EPHA6: variants seen among roughly 807,000 people sequenced by gnomAD.
The protein encoded by EPHA6 is ephrin type-A receptor 6.
Under a neutral mutation model 112.0 loss-of-function variants are expected in EPHA6, and 50 were observed. The observed-to-expected ratio is 0.45, with a 90% CI of 0.36 to 0.56. The LOEUF is 0.56. EPHA6 is among the 20% of genes least tolerant of loss of function. The probability of loss-of-function intolerance (pLI) is 0.00; values close to 1 mark genes in which losing one functional copy is unlikely to be tolerated. For missense variants in EPHA6, 1,280 were observed against 1,417.4 expected (o/e 0.90, Z 1.56); for synonymous variants, 529 against 490.7 (o/e 1.08, Z -1.03).
At chr3:97,392,426 C>CTG (rs375839090) in intron 5 of EPHA6, among the ~76,000 whole-genome samples, 99 of 149,774 alleles carry the variant, frequency 6.6e-4, no homozygotes, top group Admixed American at 1.9e-3. Flanking sequence ...GGGGGTGTGT[C>CTG]TGTGTGTGTG....
At chr3:97,269,902 C>A (rs560167945) in intron 5 of EPHA6, among the ~76,000 whole-genome samples, 17 of 152,238 alleles carry the variant, frequency 1.1e-4, no homozygotes, top group African/African-American at 3.9e-4. Context: ...ATAGAAGAAA[C>A]TAAACTGTGG....
chr3:97,061,887 G>T (rs1426920825), intron 3 of EPHA6, among the ~76,000 whole-genome samples: 1 of 152,108 alleles, frequency 6.6e-6, no homozygotes, highest in Admixed American at 6.6e-5. Flanking sequence ...ACCTTCAAGA[G>T]GCTCCCAATT....
chr3:97,127,460 C>T (rs1160542371), intron 3 of EPHA6, among the ~76,000 whole-genome samples: 2 of 152,152 alleles, frequency 1.3e-5, no homozygotes, highest in Non-Finnish European at 2.9e-5. Context: ...TGGCTCACAC[C>T]TGTAATCTCA....
At chr3:97,248,041 C>T (rs2079033199) in intron 5 of EPHA6, among the ~76,000 whole-genome samples, 1 of 151,830 alleles carries the variant, frequency 6.6e-6, no homozygotes, top group South Asian at 2.1e-4. Context: ...AAGAAAACCA[C>T]ATTAAACAAA....
intron 3 of EPHA6, among the ~76,000 whole-genome samples, chr3:97,046,645 A>G (rs2045517445): frequency 1.3e-5 from 2 of 152,202 alleles, no homozygotes; most frequent in African/African-American, 4.8e-5. Context: ...TATCCAAATC[A>G]ATAATAGAAT....
At chr3:97,186,351 G>A (rs1186468389) in intron 3 of EPHA6, among the ~76,000 whole-genome samples, 2 of 152,060 alleles carry the variant, frequency 1.3e-5, no homozygotes, top group South Asian at 2.1e-4. Context: ...ATTCTCAGAA[G>A]TACAGCTCAT....
rs1363786371 is a variant in EPHA6 at position 96,994,709 on chromosome 3, G to GTGTATATATATATA, written c.1114+6717_1114+6718insGTATATATATATAT. On this transcript the variant is annotated intron_variant, in intron 3 of 17. Transcript: ENST00000389672. ...TGTGTGTGTATGTGTGTGTGTGTGTGTATATATATATATATATATATATAG... is the reference window on the plus strand; with the variant it reads ...TGTGTGTGTATGTGTGTGTGTGTGTGTGTATATATATATATATATATATATATATATATATATAG... Among the ~76,000 whole-genome samples the GTGTATATATATATA allele has an allele frequency of 4.9e-4, 48 of 98,418 alleles. 1 individual carries two copies. The highest frequency in any genetic ancestry group is 2.3e-3 in the African/African-American group (43 of 18,602). 64.6% of individuals were successfully genotyped at this position (98,418 alleles called of 152,430 possible).
intron 11 of EPHA6, chr3:97,559,500 A>G (rs1577777179): frequency 2.6e-6 from 1 of 379,462 alleles, no homozygotes; most frequent in East Asian, 8.1e-5. Context: ...GAATGGAACT[A>G]AGAAGGCACA....
In EPHA6 at chr3:97,056,622, C is replaced by T. The variant is rs539912683; in HGVS notation, c.1114+68629C>T. Among the ~76,000 whole-genome samples, 6 of 152,168 alleles carry T rather than the reference C, an allele frequency of 3.9e-5. No homozygotes were observed. The East Asian group carries it at 7.8e-4, about 20-fold the overall frequency. On this transcript the variant is annotated intron_variant, in intron 3 of 17. Coordinates refer to ENST00000389672, the MANE Select transcript of EPHA6 (RefSeq NM_001080448.3). ...GTGCTCCTGGTGTCTTGGTAAAGGA[C>T]GTATTGCTTGGATCTGGACCCAGAC...
At position 97,498,238 on chromosome 3, in the gene EPHA6, C is replaced by T. The variant is rs144629302; in HGVS notation, c.2200+14179C>T. Among the ~76,000 whole-genome samples, 559 of 150,718 alleles carry T rather than the reference C, an allele frequency of 3.7e-3. 5 individuals are homozygous for T. The highest frequency in any genetic ancestry group is 0.013 in the African/African-American group (533 of 40,952). On this transcript the variant is annotated intron_variant, in intron 10 of 17. Coordinates refer to ENST00000389672, the MANE Select transcript of EPHA6 (RefSeq NM_001080448.3). ...TTAGATTATAACTGATTGGTTGTAACGTAGAGCTCTGCCTAGTGAGAAGCA... is the reference window on the plus strand; with the variant it reads ...TTAGATTATAACTGATTGGTTGTAATGTAGAGCTCTGCCTAGTGAGAAGCA...
intron 5 of EPHA6, among the ~76,000 whole-genome samples, chr3:97,290,895 G>A (rs75999331): frequency 0.015 from 2,268 of 151,182 alleles, 55 homozygotes; most frequent in African/African-American, 0.05. Context: ...TTTTATTTCT[G>A]CTCTGATCTT....
At chr3:96,866,793 T>G in intron 1 of EPHA6, 32 bp from the exon 2 acceptor site, 1 of 1,287,898 alleles carries the variant, frequency 7.8e-7, no homozygotes, top group Non-Finnish European at 1.0e-6. Flanking sequence ...GTTGAGAAAT[T>G]CATGGAATTT....
intron 3 of EPHA6, among the ~76,000 whole-genome samples, chr3:97,092,077 G>T (rs2047084026): frequency 6.8e-6 from 1 of 147,946 alleles, no homozygotes; most frequent in African/African-American, 2.5e-5. Flanking sequence ...CTATATTTTG[G>T]TTAACAAGGT....
intron 10 of EPHA6, among the ~76,000 whole-genome samples, chr3:97,525,129 A>G (rs1224815355): frequency 6.6e-6 from 1 of 152,058 alleles, no homozygotes; most frequent in African/African-American, 2.4e-5. Flanking sequence ...CATAAATTTT[A>G]TATTTGTACA....
chr3:97,359,011 A>G (rs999827688), intron 5 of EPHA6, among the ~76,000 whole-genome samples: 3 of 149,838 alleles, frequency 2.0e-5, no homozygotes, highest in Non-Finnish European at 4.4e-5. Context: ...GATTATAATT[A>G]TAATGTGCCT....
At chr3:97,336,883 G>A (rs73133049) in intron 5 of EPHA6, among the ~76,000 whole-genome samples, 16,927 of 151,242 alleles carry the variant, frequency 0.11, 1,226 homozygotes, top group East Asian at 0.21. Context: ...TTTAACTCAG[G>A]TCTTGGAAAT....
chr3:97,182,849 G>A lies in EPHA6; in HGVS notation c.1115-43415G>A, dbSNP rs577934088. 1.6e-4 allele frequency among the ~76,000 whole-genome samples: 25 copies of A among 152,142 alleles called. No homozygotes were observed. The South Asian group carries it at 5.2e-3, about 32-fold the overall frequency. On this transcript the variant is annotated intron_variant, in intron 3 of 17. Coordinates refer to ENST00000389672, the MANE Select transcript of EPHA6 (RefSeq NM_001080448.3). ...GAATTATGTGAGTGGTAAACATAAG[G>A]CCACAGCCTATGTTTTACTGAAAAG...
intron 16 of EPHA6, among the ~76,000 whole-genome samples, chr3:97,740,504 C>T (rs1300079817): frequency 1.3e-5 from 2 of 152,056 alleles, no homozygotes; most frequent in Non-Finnish European, 2.9e-5. Flanking sequence ...ACCCACTGGG[C>T]CATAATTAGG....
intron 2 of EPHA6, among the ~76,000 whole-genome samples, chr3:96,897,332 A>T (rs9873123): frequency 0.018 from 2,771 of 151,972 alleles, 73 homozygotes; most frequent in African/African-American, 0.05. Flanking sequence ...AGTATAACCC[A>T]TTTTCTTATT....
Sources: gnomAD v4.1 joint callset for allele counts (sites outside exome capture counted in the v4.1 genomes callset) on GRCh38, gnomAD v4.1.1 for gene constraint, MANE v1.5 for transcripts, NCBI Gene and HGNC (gene_info 2026-07-23, HGNC 2026-07-21) for gene names.